The following NLRP7 variants were observed in gnomAD, a reference collection of about 807,000 sequenced individuals.
The protein encoded by NLRP7 is NLR family pyrin domain containing 7.
Under a neutral mutation model 85.5 loss-of-function variants are expected in NLRP7, and 72 were observed. The ratio of observed to expected loss-of-function variants is 0.84; its 90% CI spans 0.70 to 1.02. The LOEUF (loss-of-function observed/expected upper bound fraction) is 1.02, where lower values mean the gene tolerates loss of function less well. NLRP7 is among the 50% of genes least tolerant of loss of function. The probability of loss-of-function intolerance (pLI) is 0.00; values close to 1 mark genes in which losing one functional copy is unlikely to be tolerated. For synonymous variants in NLRP7, 550 were observed against 505.2 expected, an observed-to-expected ratio of 1.09 and a Z score of -1.19; for missense variants, 1,243 against 1,219.5, an observed-to-expected ratio of 1.02 and a Z score of -0.29.
intron 1 of NLRP7, among the ~76,000 whole-genome samples, chr19:54,959,978 G>A (rs1043694757): frequency 2.0e-5 from 3 of 151,712 alleles, no homozygotes; most frequent in East Asian, 1.9e-4. Flanking sequence ...CACAGACCTG[G>A]GCATTTTGTT....
exon 4 of NLRP7, chr19:54,940,052 T>C: frequency 6.2e-7 from 1 of 1,614,176 alleles, no homozygotes; most frequent in South Asian, 1.1e-5. Flanking sequence ...TTTCAGCTCA[T>C]CAAGGCCATC....
In NLRP7 at chr19:54,934,779, A is replaced by C; in HGVS notation, c.2301-120T>G. ...GTCTGGAATGCAAAGGCGTGATCTC[A>C]CCTCACTGCAGCCTCCGCCTCCCGG... On this transcript the variant is annotated intron_variant, in intron 6 of 9. Transcript: ENST00000340844. The surrounding 1 kb of genome is among the most constrained non-coding windows in gnomAD (Gnocchi z 6.7). 1.2e-4 allele frequency: 92 copies of C among 764,160 alleles called. No homozygotes were observed. The highest frequency in any genetic ancestry group is 1.7e-4 in the Non-Finnish European group (83 of 482,064). 47.3% of individuals were successfully genotyped at this position (764,160 alleles called of 1,614,324 possible).
In NLRP7 at chr19:54,940,839, A is replaced by C. The variant is rs2069189478; in HGVS notation, c.352+92T>G. On this transcript the variant is annotated intron_variant, in intron 3 of 9. Coordinates refer to ENST00000340844, the Ensembl canonical transcript of NLRP7. ...AAGATTCCGTCTCAAAAAAAAAAAA[A>C]ACTACCAGAAATGAATAAAACCAGG... 1.0e-5 allele frequency: 9 copies of C among 899,262 alleles called. 1 individual carries two copies. Among genetic ancestry groups the C allele is most frequent in the Admixed American group, 1.8e-5 (1 of 56,276 alleles). 55.7% of individuals were successfully genotyped at this position (899,262 alleles called of 1,614,324 possible).
intron 1 of NLRP7, among the ~76,000 whole-genome samples, chr19:54,954,443 TGG>T (rs2069783099): frequency 7.9e-6 from 1 of 125,966 alleles, no homozygotes; most frequent in African/African-American, 3.5e-5. Flanking sequence ...GGCAGGAGAA[TGG>T]CCTGAACCCA....
intron 1 of NLRP7, among the ~76,000 whole-genome samples, chr19:54,957,236 G>C (rs965497994): frequency 2.6e-5 from 4 of 151,688 alleles, no homozygotes; most frequent in African/African-American, 9.7e-5. Flanking sequence ...GTCCAGGCTA[G>C]TCTCAAACTC....
At chr19:54,945,545 C>T (rs1338258852) in intron 1 of NLRP7, among the ~76,000 whole-genome samples, 2 of 151,950 alleles carry the variant, frequency 1.3e-5, no homozygotes, top group Non-Finnish European at 2.9e-5. Context: ...GCTGGGATTA[C>T]AGGTATGAGC....
intron 1 of NLRP7, among the ~76,000 whole-genome samples, chr19:54,946,213 ATTTT>A (rs71181717): frequency 5.5e-5 from 7 of 127,862 alleles, no homozygotes; most frequent in Non-Finnish European, 1.0e-4. Flanking sequence ...GGCCATTTAC[ATTTT>A]TTTTTTTTTT....
intron 1 of NLRP7, among the ~76,000 whole-genome samples, chr19:54,953,859 T>G (rs1474941282): frequency 6.7e-6 from 1 of 150,308 alleles, no homozygotes; most frequent in Non-Finnish European, 1.5e-5. Flanking sequence ...TACAAAAAAT[T>G]AGCTGGGCGT....
At chr19:54,937,947 TG>T (rs1415287598) in intron 5 of NLRP7, 96 bp downstream of exon 5, 2 of 805,454 alleles carry the variant, frequency 2.5e-6, no homozygotes, top group African/African-American at 3.7e-5. Flanking sequence ...CCCAAATACA[TG>T]GAGATGAAAC....
At chr19:54,933,676 G>A in exon 8 of NLRP7, 1 of 1,614,150 alleles carries the variant, frequency 6.2e-7, no homozygotes, top group South Asian at 1.1e-5. Flanking sequence ...TCAGCTTCTT[G>A]CTGACAACCA....
At chr19:54,938,582 C>T (rs933263286) in intron 4 of NLRP7, among the ~76,000 whole-genome samples, 8 of 152,092 alleles carry the variant, frequency 5.3e-5, no homozygotes, top group Admixed American at 1.3e-4. Context: ...AATAATTAAC[C>T]GGGCAAGGTG....
At chr19:54,927,847 T>A in intron 9 of NLRP7, 72 bp from the exon 10 acceptor site, 2 of 1,385,966 alleles carry the variant, frequency 1.4e-6, no homozygotes, top group South Asian at 2.3e-5. Flanking sequence ...ATCCCAACAC[T>A]TCGGGAGGCC....
chr19:54,933,710 C>G, exon 8 of NLRP7: 1 of 1,614,216 alleles, frequency 6.2e-7, no homozygotes. Flanking sequence ...GTCCTTGCAA[C>G]TGGCTTCTGT....
At chr19:54,939,163 T>G in exon 4 of NLRP7, 1 of 1,614,242 alleles carries the variant, frequency 6.2e-7, no homozygotes, top group East Asian at 2.2e-5. Flanking sequence ...GTGCTTTGCA[T>G]TGCAGCAATT....
rs2068774260 is a variant in NLRP7, at chr19:54,933,750, A to G, written c.2472-11T>C. 6.2e-7 allele frequency: 1 copy of G among 1,611,906 alleles called. No individual in the cohort carries two copies. The highest frequency in any genetic ancestry group is 1.7e-5 in the Admixed American group (1 of 59,994). On this transcript the variant is annotated splice_polypyrimidine_tract_variant and intron_variant, in intron 7 of 9. Transcript: ENST00000340844. ...CGACAGTTTTCCAACCTGCAAAAAT[A>G]TGAAACAAATGGTAGAAGGATGAGA...
chr19:54,926,687 G>A (rs929522291), intron 9 of NLRP7, among the ~76,000 whole-genome samples: 12 of 152,010 alleles, frequency 7.9e-5, no homozygotes, highest in East Asian at 2.0e-4. Context: ...AGGCCAAGGC[G>A]AGAAGATCAC....
intron 1 of NLRP7, among the ~76,000 whole-genome samples, chr19:54,962,471 A>ATACCC (rs2070078904): frequency 6.6e-6 from 1 of 150,878 alleles, no homozygotes; most frequent in Admixed American, 6.6e-5. Flanking sequence ...GGATTTCACC[A>ATACCC]TGTTGGTCAG....
chr19:54,958,951 G>C (rs183673661), intron 1 of NLRP7, among the ~76,000 whole-genome samples: 70 of 152,128 alleles, frequency 4.6e-4, no homozygotes, highest in Non-Finnish European at 9.0e-4. Context: ...ATAGGGCAGG[G>C]AGTTTCACAG....
chr19:54,938,803 G>T, intron 4 of NLRP7, 85 bp downstream of exon 4: 1 of 1,458,604 alleles, frequency 6.9e-7, no homozygotes, highest in Non-Finnish European at 9.5e-7. Flanking sequence ...AGTCCAGCCA[G>T]AGGGAAATTC....
Sources: gnomAD v4.1 joint callset for allele counts (sites outside exome capture counted in the v4.1 genomes callset) on GRCh38, gnomAD v4.1.1 for gene constraint, Gnocchi (gnomAD v3.1) non-coding constraint, MANE v1.5 for transcripts, NCBI Gene and HGNC (gene_info 2026-07-23, HGNC 2026-07-21) for gene names.